FRMPD2: variants seen among roughly 807,000 people sequenced by gnomAD.
FRMPD2 encodes FERM and PDZ domain containing 2.
FRMPD2 carries 96 observed loss-of-function variants against 140.1 expected under a neutral mutation model. The observed-to-expected ratio is 0.69, with a 90% CI of 0.58 to 0.81. The LOEUF is 0.81. Ranked by LOEUF, FRMPD2 falls within the 40% of genes least tolerant of loss-of-function variation. FRMPD2 has a pLI of 0.00. For missense variants in FRMPD2, 1,240 were observed against 1,447.4 expected (o/e 0.86, Z 2.32); for synonymous variants, 449 against 547.6 (o/e 0.82, Z 2.52).
intron 1 of FRMPD2, among the ~76,000 whole-genome samples, chr10:48,263,360 T>A (rs1840626736): frequency 1.4e-5 from 2 of 144,716 alleles, no homozygotes; most frequent in East Asian, 2.1e-4. Context: ...ATAGAGAAAA[T>A]CAACAAAACT....
intron 4 of FRMPD2, among the ~76,000 whole-genome samples, chr10:48,242,928 T>G (rs935766106): frequency 6.6e-6 from 1 of 152,356 alleles, no homozygotes; most frequent in Admixed American, 6.5e-5. Flanking sequence ...AGCATTTCCC[T>G]CATGCATTTA....
intron 3 of FRMPD2, chr10:48,248,659 C>T (rs1010477334): frequency 1.4e-4 from 23 of 159,064 alleles, no homozygotes; most frequent in Middle Eastern, 3.0e-3. Flanking sequence ...TAGTTGAGGA[C>T]GTGTTGGGTC....
intron 1 of FRMPD2, among the ~76,000 whole-genome samples, chr10:48,269,117 A>C (rs1237109275): frequency 6.6e-6 from 1 of 152,244 alleles, no homozygotes; most frequent in African/African-American, 2.4e-5. Flanking sequence ...CTACTCAATA[A>C]ATATTTGAAA....
intron 15 of FRMPD2, among the ~76,000 whole-genome samples, chr10:48,198,187 T>C (rs1838996992): frequency 6.6e-6 from 1 of 152,170 alleles, no homozygotes. Flanking sequence ...GTTTAATAAA[T>C]ATCAAAAAAG....
At chr10:48,186,982 G>A (rs1186452064) in intron 17 of FRMPD2, among the ~76,000 whole-genome samples, 4 of 152,060 alleles carry the variant, frequency 2.6e-5, no homozygotes, top group Non-Finnish European at 5.9e-5. Flanking sequence ...GATTGTCTTC[G>A]CCAGAGCTGA....
chr10:48,206,987 G>A (rs1839216092), intron 13 of FRMPD2, 54 bp from the exon 14 acceptor site: 1 of 1,534,096 alleles, frequency 6.5e-7, no homozygotes, highest in Non-Finnish European at 8.9e-7. Flanking sequence ...TTAAAATAAT[G>A]GGCCTCACGC....
At chr10:48,269,047 A>G (rs922697128) in intron 1 of FRMPD2, among the ~76,000 whole-genome samples, 9 of 152,250 alleles carry the variant, frequency 5.9e-5, no homozygotes, top group African/African-American at 1.9e-4. Flanking sequence ...TTACTCATCA[A>G]TTAGAAAAAA....
At chr10:48,229,655 C>T (rs767778238) in intron 10 of FRMPD2, among the ~76,000 whole-genome samples, 6 of 151,768 alleles carry the variant, frequency 4.0e-5, no homozygotes, top group East Asian at 1.9e-4. Context: ...GCTAGAATTC[C>T]GATATGTCTT....
At chr10:48,182,305 G>C (rs1049911923) in intron 20 of FRMPD2, among the ~76,000 whole-genome samples, 3 of 152,162 alleles carry the variant, frequency 2.0e-5, no homozygotes, top group South Asian at 2.1e-4. Flanking sequence ...TCCTCCATGA[G>C]AGGTGAGGAT....
intron 3 of FRMPD2, among the ~76,000 whole-genome samples, chr10:48,245,996 T>G (rs942644801): frequency 2.0e-5 from 3 of 152,214 alleles, no homozygotes; most frequent in Admixed American, 6.5e-5. Flanking sequence ...CTGTGACAAC[T>G]CATTAGCTCT....
chr10:48,211,802 C>T (rs1839328538), intron 13 of FRMPD2, 152 bp downstream of exon 13: 3 of 597,642 alleles, frequency 5.0e-6, no homozygotes, highest in Non-Finnish European at 8.0e-6. Context: ...AGAAGCCTCT[C>T]CTTGCCCCTC....
At chr10:48,194,960 C>T (rs1463798185) in intron 15 of FRMPD2, among the ~76,000 whole-genome samples, 4 of 152,196 alleles carry the variant, frequency 2.6e-5, no homozygotes, top group Non-Finnish European at 2.9e-5. Flanking sequence ...AAGCTGAGGA[C>T]AGTGGACAGT....
chr10:48,251,439 C>T, intron 2 of FRMPD2, 127 bp downstream of exon 2: 1 of 1,147,562 alleles, frequency 8.7e-7, no homozygotes. Flanking sequence ...ACAGATCAAG[C>T]AGCAGCAACC....
Position 48,242,158 on chromosome 10 carries a change from G to A in FRMPD2, c.567+3C>T, listed in dbSNP as rs777135504. On this transcript the variant is annotated splice_donor_region_variant and intron_variant, in intron 5 of 28. Coordinates refer to ENST00000374201, the MANE Select transcript of FRMPD2 (RefSeq NM_001018071.4). ...TGCTTGAAAAGCACGGTTCTCTACT[G>A]ACCTCAGAAATGGTACCCAGAACCA... The A allele has an allele frequency of 1.9e-6, 3 of 1,607,788 alleles. No homozygotes were observed. The highest frequency in any genetic ancestry group is 2.6e-6 in the Non-Finnish European group (3 of 1,176,216).
At chr10:48,217,092 G>C (rs1839468063) in intron 12 of FRMPD2, among the ~76,000 whole-genome samples, 1 of 152,184 alleles carries the variant, frequency 6.6e-6, no homozygotes, top group Non-Finnish European at 1.5e-5. Flanking sequence ...GGTAGTCCCA[G>C]GAGAGGGGAC....
rs1385218015 is a variant in FRMPD2 at position 48,159,445 on chromosome 10, T to C, written c.3882-2075A>G. Among the ~76,000 whole-genome samples the C allele has an allele frequency of 7.3e-5, 11 of 151,494 alleles. No individual in the cohort carries two copies. In the East Asian group the frequency reaches 2.1e-3, roughly 29 times the overall value. On this transcript the variant is annotated intron_variant, in intron 28 of 28. Coordinates refer to ENST00000374201, the MANE Select transcript of FRMPD2 (RefSeq NM_001018071.4). ...GCAGCACCCAGGATCCAGCCCAGGCTCTGCTGCCTCCCTCACTCCCCTCAG... is the reference window on the plus strand; with the variant it reads ...GCAGCACCCAGGATCCAGCCCAGGCCCTGCTGCCTCCCTCACTCCCCTCAG...
At chr10:48,260,059 TATAAC>T (rs1405324694) in intron 1 of FRMPD2, among the ~76,000 whole-genome samples, 9 of 151,804 alleles carry the variant, frequency 5.9e-5, no homozygotes, top group Admixed American at 6.6e-5. Context: ...TTACAAAAGG[TATAAC>T]ATATGTGTAA....
At chr10:48,240,292 T>C (rs1042566921) in intron 6 of FRMPD2, 68 bp downstream of exon 6, 3 of 1,536,294 alleles carry the variant, frequency 2.0e-6, no homozygotes, top group Admixed American at 3.4e-5. Flanking sequence ...GTGTAGCCCA[T>C]ACAGGGCAGG....
chr10:48,211,017 C>T (rs1207375979), intron 13 of FRMPD2, among the ~76,000 whole-genome samples: 2 of 152,268 alleles, frequency 1.3e-5, no homozygotes, highest in Non-Finnish European at 2.9e-5. Flanking sequence ...AGAGTAGCCA[C>T]TCTCTCCCTG....
Sources: allele counts gnomAD v4.1 joint callset (sites outside exome capture counted in the v4.1 genomes callset), GRCh38; gene constraint gnomAD v4.1.1; transcripts MANE v1.5; gene names NCBI Gene and HGNC (gene_info 2026-07-23, HGNC 2026-07-21).